The following SUMF1 variants were observed in gnomAD, a reference collection of about 807,000 sequenced individuals.
SUMF1 encodes formylglycine-generating enzyme.
Under a neutral mutation model 47.6 loss-of-function variants are expected in SUMF1, and 48 were observed. That is an observed-to-expected ratio of 1.01 (90% CI 0.80 to 1.28). The LOEUF is 1.28. SUMF1 is among the 50% of genes most tolerant of loss of function. The pLI is 0.00. For missense variants in SUMF1, 571 were observed against 485.4 expected (o/e 1.18, Z -1.66); for synonymous variants, 230 against 192.1 (o/e 1.20, Z -1.63).
At chr3:4,098,215 C>T (rs7612596) in intron 8 of SUMF1, among the ~76,000 whole-genome samples, 20,137 of 152,032 alleles carry the variant, frequency 0.13, 1,728 homozygotes, top group East Asian at 0.32. Flanking sequence ...GCTCCCCTAG[C>T]AGCACCAGGG....
chr3:4,362,301 T>C (rs778771687), intron 8 of SUMF1, 47 bp from the exon 9 acceptor site: 1 of 1,534,736 alleles, frequency 6.5e-7, no homozygotes, highest in South Asian at 1.1e-5. Context: ...GACTCTCAGC[T>C]GAAGGCTCTA....
intron 7 of SUMF1, among the ~76,000 whole-genome samples, chr3:4,385,905 C>T (rs909213923): frequency 2.0e-5 from 3 of 152,098 alleles, no homozygotes; most frequent in African/African-American, 7.2e-5. Flanking sequence ...CATTAAATTG[C>T]TTTGGCAACT....
intron 8 of SUMF1, among the ~76,000 whole-genome samples, chr3:4,234,476 A>AT (rs1423514399): frequency 1.3e-5 from 2 of 152,088 alleles, no homozygotes; most frequent in African/African-American, 2.4e-5. Flanking sequence ...GCTGGATGGT[A>AT]TCTTTTCGTT....
At chr3:4,235,802 A>G (rs1477555089) in intron 8 of SUMF1, among the ~76,000 whole-genome samples, 1 of 151,850 alleles carries the variant, frequency 6.6e-6, no homozygotes, top group Non-Finnish European at 1.5e-5. Context: ...TGCAAGTACC[A>G]TCTCCCTCCC....
At chr3:4,066,695 A>G (rs909053968) in intron 9 of SUMF1, among the ~76,000 whole-genome samples, 3 of 152,136 alleles carry the variant, frequency 2.0e-5, no homozygotes, top group African/African-American at 7.2e-5. Flanking sequence ...AACAGAGTTG[A>G]GGCTTGGCTG....
At chr3:4,054,103 T>G (rs926591719) in intron 9 of SUMF1, among the ~76,000 whole-genome samples, 1 of 152,070 alleles carries the variant, frequency 6.6e-6, no homozygotes, top group Non-Finnish European at 1.5e-5. Flanking sequence ...ACTAATCACG[T>G]CAGAGAAAAC....
chr3:4,293,094 A>G (rs1395953888), intron 8 of SUMF1, among the ~76,000 whole-genome samples: 7 of 151,964 alleles, frequency 4.6e-5, no homozygotes, highest in African/African-American at 1.5e-4. Context: ...CAACTAAATG[A>G]AAGACTTTCA....
chr3:4,088,114 G>C lies in SUMF1; in HGVS notation c.1015-19369C>G, dbSNP rs966860896. On this transcript the variant is annotated intron_variant and NMD_transcript_variant, in intron 8 of 12. Coordinates refer to the SUMF1 transcript ENST00000448413. ...ATACTTTGACTCCTACTGAGAAGAT[G>C]GGGATCCAGGTAGCCTCTGAACTCA... 5.3e-5 allele frequency among the ~76,000 whole-genome samples: 8 copies of C among 152,206 alleles called. No individual in the cohort carries two copies. The East Asian group carries it at 1.5e-3, about 29-fold the overall frequency.
chr3:4,400,682 A>C (rs568372317), intron 7 of SUMF1, among the ~76,000 whole-genome samples: 1 of 152,238 alleles, frequency 6.6e-6, no homozygotes, highest in African/African-American at 2.4e-5. Flanking sequence ...CTCTCTTTTT[A>C]ATCCTCAGAA....
chr3:4,067,696 C>A (rs763814054), intron 9 of SUMF1, among the ~76,000 whole-genome samples: 7 of 152,116 alleles, frequency 4.6e-5, no homozygotes, highest in Non-Finnish European at 1.0e-4. Context: ...AATATCCGTG[C>A]TCAATCAAAG....
chr3:4,346,890 G>T (rs2125148951), intron 8 of SUMF1, among the ~76,000 whole-genome samples: 1 of 152,270 alleles, frequency 6.6e-6, no homozygotes, highest in South Asian at 2.1e-4. Flanking sequence ...TACCATCAGA[G>T]AATACTATAA....
chr3:4,042,078 G>A (rs555441278), intron 9 of SUMF1, among the ~76,000 whole-genome samples: 48 of 152,252 alleles, frequency 3.2e-4, no homozygotes, highest in African/African-American at 1.1e-3. Context: ...TCTTAACCTG[G>A]TAACTTTTAG....
chr3:4,421,542 C>T (rs919292132), intron 3 of SUMF1, among the ~76,000 whole-genome samples: 1 of 152,132 alleles, frequency 6.6e-6, no homozygotes, highest in Non-Finnish European at 1.5e-5. Context: ...AACAGTGGCA[C>T]GGTCATGGCT....
Position 4,350,407 on chromosome 3 carries a change from T to G in SUMF1, c.1014+25923A>C, listed in dbSNP as rs951543674. Among the ~76,000 whole-genome samples the G allele has an allele frequency of 2.0e-5, 3 of 151,734 alleles. No individual in the cohort carries two copies. In the South Asian group the frequency reaches 6.2e-4, roughly 32 times the overall value. ...TATAATTGTGTGTATATATATTCAA[T>G]ATATATCCATATATACATGTAGTAT... On this transcript the variant is annotated intron_variant and NMD_transcript_variant, in intron 8 of 12. Coordinates refer to the SUMF1 transcript ENST00000448413.
intron 7 of SUMF1, among the ~76,000 whole-genome samples, chr3:4,388,722 T>C (rs957104493): frequency 6.6e-5 from 10 of 152,224 alleles, no homozygotes; most frequent in East Asian, 3.9e-4. Context: ...CTTTTGAGCA[T>C]ACCTCTTTGT....
chr3:4,262,909 G>T (rs75318438), intron 8 of SUMF1, among the ~76,000 whole-genome samples: 1 of 152,298 alleles, frequency 6.6e-6, no homozygotes, highest in East Asian at 1.9e-4. Context: ...AATTAATGCT[G>T]GGCTGGCAGA....
chr3:4,188,266 C>T (rs959312528), intron 8 of SUMF1, among the ~76,000 whole-genome samples: 3 of 151,904 alleles, frequency 2.0e-5, no homozygotes, highest in Admixed American at 6.6e-5. Context: ...ATCTCCGCCT[C>T]CCAGGTTCAA....
chr3:4,362,204 A>C lies in SUMF1; in HGVS notation c.1065T>G (p.Asp355Glu). Residue 355 changes from aspartate (D) to glutamate (E), a missense_variant, in exon 9 of 9, where the codon GAT (aspartate) becomes GAG (glutamate). Transcript: ENST00000272902. ...GGAATCCCAGATTCGAAGCAGAGCT[A>C]TCAGGTGTGTTCTGGCTCCGAGCAG... Reference protein sequence around the residue: ...RCAARSQNTPDSSASNLGFRC... With the variant: ...RCAARSQNTPESSASNLGFRC... The C allele has an allele frequency of 6.2e-7, 1 of 1,614,242 alleles. No individual in the cohort carries two copies. Among genetic ancestry groups the C allele is most frequent in the Non-Finnish European group, 8.5e-7 (1 of 1,180,024 alleles).
chr3:4,133,086 C>T (rs751441784), intron 8 of SUMF1, among the ~76,000 whole-genome samples: 1 of 152,242 alleles, frequency 6.6e-6, no homozygotes, highest in Non-Finnish European at 1.5e-5. Flanking sequence ...ACCACATGAC[C>T]AGCTGCAGAA....
Sources: allele counts gnomAD v4.1 joint callset (sites outside exome capture counted in the v4.1 genomes callset), GRCh38; gene constraint gnomAD v4.1.1; transcripts MANE v1.5; gene names NCBI Gene and HGNC (gene_info 2026-07-23, HGNC 2026-07-21).